CCND2: variants seen among roughly 807,000 people sequenced by gnomAD.
CCND2 encodes G1/S-specific cyclin-D2.
In CCND2, 6 loss-of-function variants were observed where a neutral mutation model predicts 30.2. The ratio of observed to expected loss-of-function variants is 0.20; its 90% CI spans 0.11 to 0.39. CCND2 has a LOEUF of 0.39. CCND2 is among the 10% of genes least tolerant of loss of function. CCND2 has a pLI of 1.00. For synonymous variants in CCND2, 150 were observed against 153.1 expected (o/e 0.98, Z 0.15); for missense variants, 235 against 373.4 (o/e 0.63, Z 3.06).
intron 3 of CCND2, among the ~76,000 whole-genome samples, chr12:4,286,035 G>A (rs1864018486): frequency 6.6e-6 from 1 of 152,188 alleles, no homozygotes. Context: ...AGGCACCTGG[G>A]AGGTTATCCT....
chr12:4,280,867 T>C lies in CCND2; in HGVS notation c.571+1948T>C, dbSNP rs376006207. ...CTCTGATCTCTGATTGGGGTAGGGGTGCTGGGTGGAGTTACCGGGGTGTGG... is the reference window on the plus strand; with the variant it reads ...CTCTGATCTCTGATTGGGGTAGGGGCGCTGGGTGGAGTTACCGGGGTGTGG... On this transcript the variant is annotated intron_variant, in intron 3 of 4. Coordinates refer to ENST00000261254, the MANE Select transcript of CCND2 (RefSeq NM_001759.4). Among the ~76,000 whole-genome samples, 57 of 152,166 alleles carry C rather than the reference T, an allele frequency of 3.7e-4. No homozygotes were observed. In the East Asian group the frequency reaches 8.1e-3, roughly 22 times the overall value.
chr12:4,289,084 T>C lies in CCND2; in HGVS notation c.720+94T>C, dbSNP rs552459652. 2.9e-5 allele frequency: 37 copies of C among 1,276,990 alleles called. No individual in the cohort carries two copies. In the African/African-American group the frequency reaches 4.9e-4, roughly 17 times the overall value. 79.1% of individuals were successfully genotyped at this position (1,276,990 alleles called of 1,614,324 possible). On this transcript the variant is annotated intron_variant, in intron 4 of 4. Transcript: ENST00000261254. ...TTTGATTATGTTGTGTCAGAGGTATTTTTCTGGTTTGTTTCCTAAGATCGA... is the reference window on the plus strand; with the variant it reads ...TTTGATTATGTTGTGTCAGAGGTATCTTTCTGGTTTGTTTCCTAAGATCGA...
In CCND2 at chr12:4,282,530, G is replaced by C. The variant is rs1188099420; in HGVS notation, c.571+3611G>C. ...CTAGAGTGGGAGATTTCGCCTTGATGGGTGCTGGGAAGGAAGAATGGAAAC... is the reference window on the plus strand; with the variant it reads ...CTAGAGTGGGAGATTTCGCCTTGATCGGTGCTGGGAAGGAAGAATGGAAAC... On this transcript the variant is annotated intron_variant, in intron 3 of 4. Coordinates refer to ENST00000261254, the MANE Select transcript of CCND2 (RefSeq NM_001759.4). This position sits in a 1 kb window ranked among gnomAD's most constrained non-coding sequence, Gnocchi z 4.3. Among the ~76,000 whole-genome samples the C allele has an allele frequency of 1.3e-5, 2 of 152,294 alleles. No individual in the cohort carries two copies.
At chr12:4,278,976 G>T in intron 3 of CCND2, 57 bp downstream of exon 3, 1 of 1,544,688 alleles carries the variant, frequency 6.5e-7, no homozygotes. Flanking sequence ...GGAGATGTCC[G>T]GGGAGAGGCA....
In CCND2 at chr12:4,274,286, G is replaced by C; in HGVS notation, c.195+51G>C. 1 of 1,582,434 alleles carries C rather than the reference G, an allele frequency of 6.3e-7. No homozygotes were observed. Among genetic ancestry groups the C allele is most frequent in the Non-Finnish European group, 8.6e-7 (1 of 1,156,492 alleles). The stretch of plus-strand genomic sequence containing the variant: ...GGAGCCAGGACCCCTCCGGATGCTC[G>C]GGTCCCCGGCCGGAGCCCTAAACCT... On this transcript the variant is annotated intron_variant, in intron 1 of 4. Coordinates refer to ENST00000261254, the MANE Select transcript of CCND2 (RefSeq NM_001759.4). This position sits in a 1 kb window ranked among gnomAD's most constrained non-coding sequence, Gnocchi z 7.7.
chr12:4,278,390 A>G (rs538148105), intron 2 of CCND2, among the ~76,000 whole-genome samples: 62 of 152,200 alleles, frequency 4.1e-4, no homozygotes, highest in East Asian at 3.7e-3. Flanking sequence ...AAGGGCCACA[A>G]TGACCTTGGC....
chr12:4,283,003 T>C (rs1304605233), intron 3 of CCND2, among the ~76,000 whole-genome samples: 1 of 152,194 alleles, frequency 6.6e-6, no homozygotes, highest in Non-Finnish European at 1.5e-5. Flanking sequence ...TCTCCCCCTA[T>C]TGGTGAACAG....
chr12:4,279,175 G>C (rs953149870), intron 3 of CCND2, among the ~76,000 whole-genome samples: 2 of 152,196 alleles, frequency 1.3e-5, no homozygotes, highest in South Asian at 2.1e-4. Flanking sequence ...ATTAGTGCCT[G>C]TTAAAATATT....
intron 4 of CCND2, among the ~76,000 whole-genome samples, chr12:4,295,223 C>T (rs900954685): frequency 6.6e-5 from 10 of 152,346 alleles, no homozygotes; most frequent in African/African-American, 2.2e-4. Flanking sequence ...ATCATTTATA[C>T]AAGACAGGCT....
rs552103513 is a variant in CCND2, at chr12:4,287,808, C to G, written c.572-1034C>G. Among the ~76,000 whole-genome samples the G allele has an allele frequency of 2.6e-4, 39 of 152,312 alleles. 1 individual carries two copies. In the South Asian group the frequency reaches 7.9e-3, roughly 31 times the overall value. On this transcript the variant is annotated intron_variant, in intron 3 of 4. Coordinates refer to ENST00000261254, the MANE Select transcript of CCND2 (RefSeq NM_001759.4). This position sits in a 1 kb window ranked among gnomAD's most constrained non-coding sequence, Gnocchi z 4.0. ...GAGAAGTTGGCTGTCTTTATTTCCC[C>G]TCGATGGACCAAGCAGCTGCTGGAT...
In CCND2 at chr12:4,304,853, C is replaced by T. The variant is rs2120606763; in HGVS notation, c.*4844C>T. ...GGTTTAGTTCTTAACTGCTGGCCAA[C>T]TCTTACATCCCCAGCAAATCATCGG... is the stretch of plus-strand genomic sequence containing the variant. On this transcript the variant is annotated 3_prime_UTR_variant, in exon 5 of 5. Coordinates refer to ENST00000261254, the MANE Select transcript of CCND2 (RefSeq NM_001759.4). The surrounding 1 kb of genome is among the most constrained non-coding windows in gnomAD (Gnocchi z 6.2). 4.3e-6 allele frequency: 1 copy of T among 233,722 alleles called. No homozygotes were observed. 14.5% of individuals were successfully genotyped at this position (233,722 alleles called of 1,614,324 possible). A position where few individuals can be genotyped will look rare whatever the true frequency, so the allele number is the denominator to read the frequency against.
In CCND2 at chr12:4,276,711, A is replaced by G. The variant is rs764814893; in HGVS notation, c.411+491A>G. 4.6e-5 allele frequency among the ~76,000 whole-genome samples: 7 copies of G among 152,220 alleles called. No individual in the cohort carries two copies. Among genetic ancestry groups the G allele is most frequent in the Non-Finnish European group, 8.8e-5 (6 of 68,036 alleles). ...AACACATAATAGCTGTTCACTAAAT[A>G]TCAGTTCATTGACTTTTGAGCAAAG... On this transcript the variant is annotated intron_variant, in intron 2 of 4. Coordinates refer to ENST00000261254, the MANE Select transcript of CCND2 (RefSeq NM_001759.4). The surrounding 1 kb of genome is among the most constrained non-coding windows in gnomAD (Gnocchi z 4.8).
At position 4,276,232 on chromosome 12, in the gene CCND2, CCCCTTCCT is replaced by C. The variant is rs781280428; in HGVS notation, c.411+21_411+28del. On this transcript the variant is annotated intron_variant, in intron 2 of 4. Coordinates refer to ENST00000261254, the MANE Select transcript of CCND2 (RefSeq NM_001759.4). The surrounding 1 kb of genome is among the most constrained non-coding windows in gnomAD (Gnocchi z 4.8). ...CTCAGGAGCTGCTGGTAATGACCGG[CCCCTTCCT>C]CCCTTCCTTTCTGCGATTCCCGCTT... The C allele has an allele frequency of 1.2e-6, 2 of 1,606,564 alleles. No homozygotes were observed. Among genetic ancestry groups the C allele is most frequent in the African/African-American group, 2.7e-5 (2 of 74,814 alleles).
chr12:4,291,815 C>T (rs1365869702), intron 4 of CCND2, among the ~76,000 whole-genome samples: 1 of 152,092 alleles, frequency 6.6e-6, no homozygotes, highest in African/African-American at 2.4e-5. Flanking sequence ...ATGGGCGAAC[C>T]TTGAAAATAC....
rs566157801 is a variant in CCND2, at chr12:4,293,736, A to G, written c.720+4746A>G. Reference sequence around the variant, plus strand: ...ATGTGTGTGATTCATGGGGTTTAGCATTGTGTGTTTCTGCTCCGTAGCTGG... The same window carrying G: ...ATGTGTGTGATTCATGGGGTTTAGCGTTGTGTGTTTCTGCTCCGTAGCTGG... On this transcript the variant is annotated intron_variant, in intron 4 of 4. Transcript: ENST00000261254. This position sits in a 1 kb window ranked among gnomAD's most constrained non-coding sequence, Gnocchi z 4.9. 6.6e-6 allele frequency among the ~76,000 whole-genome samples: 1 copy of G among 152,244 alleles called. No homozygotes were observed. The highest frequency in any genetic ancestry group is 2.4e-5 in the African/African-American group (1 of 41,532).
chr12:4,300,253 T>C lies in CCND2; in HGVS notation c.*244T>C, dbSNP rs1707726033. On this transcript the variant is annotated 3_prime_UTR_variant, in exon 5 of 5. Transcript: ENST00000261254. Reference sequence around the variant, plus strand: ...AATCCCTTGTATATGCGAACAGTTATTGTTTGATTATGTAAAAGTAATAGT... The same window carrying C: ...AATCCCTTGTATATGCGAACAGTTACTGTTTGATTATGTAAAAGTAATAGT... The C allele has an allele frequency of 2.4e-6, 1 of 420,748 alleles. No homozygotes were observed. The allele number at this position is 420,748 out of a possible 1,614,324, so 26.1% of individuals were successfully genotyped here. A position where few individuals can be genotyped will look rare whatever the true frequency, so the allele number is the denominator to read the frequency against.
intron 3 of CCND2, among the ~76,000 whole-genome samples, chr12:4,284,476 C>T (rs1342526955): frequency 6.6e-6 from 1 of 152,186 alleles, no homozygotes; most frequent in Non-Finnish European, 1.5e-5. Context: ...CTGGGACGGC[C>T]TCTGTTGCCC....
chr12:4,284,738 C>CT (rs1863998887), intron 3 of CCND2, among the ~76,000 whole-genome samples: 2 of 107,672 alleles, frequency 1.9e-5, no homozygotes, highest in Non-Finnish European at 3.7e-5. Flanking sequence ...TTTTTCTTTT[C>CT]TTTTTCTTTT....
rs377079073 is a variant in CCND2, at chr12:4,278,937, C to T, written c.571+18C>T. 12 of 1,594,860 alleles carry T rather than the reference C, an allele frequency of 7.5e-6. No homozygotes were observed. Among genetic ancestry groups the T allele is most frequent in the African/African-American group, 5.4e-5 (4 of 74,624 alleles). ...TGCCACCGGTAAGATGAGGCTTGAG[C>T]CGGGGAGGGAGATGGGGGAGCTCTT... On this transcript the variant is annotated intron_variant, in intron 3 of 4. Transcript: ENST00000261254.
Sources: allele counts gnomAD v4.1 joint callset (sites outside exome capture counted in the v4.1 genomes callset), GRCh38; gene constraint gnomAD v4.1.1; non-coding constraint Gnocchi (gnomAD v3.1); transcripts MANE v1.5; gene names NCBI Gene and HGNC (gene_info 2026-07-23, HGNC 2026-07-21).